Variants in ROR2 observed in about 807,000 individuals in gnomAD.
ROR2 encodes tyrosine-protein kinase transmembrane receptor ROR2.
In ROR2, 33 loss-of-function variants were observed where a neutral mutation model predicts 74.9. That is an observed-to-expected ratio of 0.44 (90% CI 0.33 to 0.59). The LOEUF is 0.59. Ranked by LOEUF, ROR2 falls within the 20% of genes least tolerant of loss-of-function variation. ROR2 has a pLI of 0.02. For missense variants in ROR2, 1,216 were observed against 1,313.8 expected (o/e 0.93, Z 1.15); for synonymous variants, 586 against 558.7 (o/e 1.05, Z -0.69).
chr9:91,747,407 C>T (rs1007207122), intron 4 of ROR2, among the ~76,000 whole-genome samples: 2 of 152,248 alleles, frequency 1.3e-5, no homozygotes, highest in Middle Eastern at 3.2e-3. Flanking sequence ...CAAGGAAGAG[C>T]CACGAGTGGA....
chr9:91,723,637 C>A lies in ROR2; in HGVS notation c.*25G>T. 6.2e-7 allele frequency: 1 copy of A among 1,611,228 alleles called. No individual in the cohort carries two copies. Among genetic ancestry groups the A allele is most frequent in the Non-Finnish European group, 8.5e-7 (1 of 1,179,178 alleles). ...GTGGGGTCTCGGCGGGGCTTCTATC[C>A]CCGAACCCCGGGCCCTGGTGCCACT... On this transcript the variant is annotated 3_prime_UTR_variant, in exon 9 of 9. Transcript: ENST00000375708.
rs140901390 is a variant in ROR2 at position 91,929,692 on chromosome 9, G to A, written c.97+20175C>T. 9.6e-3 allele frequency among the ~76,000 whole-genome samples: 1,454 copies of A among 152,192 alleles called. 20 individuals carry two copies. Among genetic ancestry groups the A allele is most frequent in the African/African-American group, 0.033 (1,355 of 41,540 alleles). Reference sequence around the variant, plus strand: ...GCAAAGTTGCTTCACACTGCTCCAAGTCCAAGAAAACCCAAAGGAGCCTCA... The same window carrying A: ...GCAAAGTTGCTTCACACTGCTCCAAATCCAAGAAAACCCAAAGGAGCCTCA... On this transcript the variant is annotated intron_variant, in intron 1 of 8. Coordinates refer to ENST00000375708, the MANE Select transcript of ROR2 (RefSeq NM_004560.4).
intron 1 of ROR2, among the ~76,000 whole-genome samples, chr9:91,913,423 T>G (rs1197037417): frequency 1.3e-5 from 2 of 152,208 alleles, no homozygotes; most frequent in Non-Finnish European, 2.9e-5. Flanking sequence ...AGATTCTTGC[T>G]TTGCTAATAA....
At chr9:91,777,664 A>C (rs1310848048) in intron 1 of ROR2, among the ~76,000 whole-genome samples, 1 of 151,930 alleles carries the variant, frequency 6.6e-6, no homozygotes, top group Non-Finnish European at 1.5e-5. Context: ...ATCTCCCCAA[A>C]AAACCTCATT....
intron 1 of ROR2, among the ~76,000 whole-genome samples, chr9:91,848,881 A>G (rs1038772208): frequency 2.6e-5 from 4 of 152,174 alleles, no homozygotes; most frequent in African/African-American, 9.7e-5. Context: ...GTAGCATACA[A>G]AGGGGAGATA....
chr9:91,773,608 T>C (rs1826315433), intron 2 of ROR2, among the ~76,000 whole-genome samples: 2 of 152,236 alleles, frequency 1.3e-5, no homozygotes, highest in Non-Finnish European at 2.9e-5. Context: ...CGTAATTTTA[T>C]TTATTCTAAC....
intron 1 of ROR2, among the ~76,000 whole-genome samples, chr9:91,848,410 G>A (rs1361530342): frequency 3.9e-5 from 6 of 152,180 alleles, no homozygotes; most frequent in African/African-American, 1.2e-4. Context: ...ATATATGGGG[G>A]CTCTGCTCAG....
intron 1 of ROR2, among the ~76,000 whole-genome samples, chr9:91,787,023 G>A (rs1257520923): frequency 6.6e-6 from 1 of 152,160 alleles, no homozygotes; most frequent in Non-Finnish European, 1.5e-5. Flanking sequence ...TGTGCAATCC[G>A]GAAATGAAAG....
chr9:91,944,249 A>G (rs1473779027), intron 1 of ROR2, among the ~76,000 whole-genome samples: 2 of 152,160 alleles, frequency 1.3e-5, no homozygotes, highest in African/African-American at 2.4e-5. Context: ...TGTGTATCTA[A>G]CCATATAAAA....
At chr9:91,894,525 G>A (rs951262507) in intron 1 of ROR2, among the ~76,000 whole-genome samples, 4 of 152,192 alleles carry the variant, frequency 2.6e-5, no homozygotes, top group African/African-American at 4.8e-5. Flanking sequence ...AGGCACATTC[G>A]AGGTATAAGA....
chr9:91,896,288 C>CT (rs1830536969), intron 1 of ROR2, among the ~76,000 whole-genome samples: 1 of 152,226 alleles, frequency 6.6e-6, no homozygotes, highest in Non-Finnish European at 1.5e-5. Context: ...AGCCCTGACT[C>CT]TGTCTTGGCT....
At position 91,724,137 on chromosome 9, in the gene ROR2, T is replaced by C. The variant is rs775209555; in HGVS notation, c.2357A>G (p.Tyr786Cys). The change falls in exon 9 of 9, where the codon TAC becomes TGC. Residue 786 changes from tyrosine to cysteine, a missense_variant. Transcript: ENST00000375708. The part of the protein sequence containing the change: ...SPVSNVSNAR[Y>C]VGPKQKAPPF... ...CGGGGCCTTCTGCTTGGGCCCCACG[T>C]AGCGGGCGTTGCTCACATTGCTCAC... 1.9e-6 allele frequency: 3 copies of C among 1,611,120 alleles called. No individual in the cohort carries two copies. Among genetic ancestry groups the C allele is most frequent in the African/African-American group, 1.3e-5 (1 of 74,932 alleles).
In ROR2 at chr9:91,871,548, C is replaced by T. The variant is rs78254105; in HGVS notation, c.97+78319G>A. ...TTTCCAAAGAAGGCTACAACAATAT[C>T]TTCCATCTCACATGCTCTCCATATG... On this transcript the variant is annotated intron_variant, in intron 1 of 8. Coordinates refer to ENST00000375708, the MANE Select transcript of ROR2 (RefSeq NM_004560.4). Among the ~76,000 whole-genome samples, 435 of 152,304 alleles carry T rather than the reference C, an allele frequency of 2.9e-3. 2 individuals are homozygous for T. The highest frequency in any genetic ancestry group is 3.0e-3 in the Non-Finnish European group (206 of 68,022).
Position 91,947,076 on chromosome 9 carries a change from TA to T in ROR2, c.97+2790del, listed in dbSNP as rs369954238. On this transcript the variant is annotated intron_variant, in intron 1 of 8. Transcript: ENST00000375708. Reference sequence around the variant, plus strand: ...TTACAGCAGCACTTTGAATAAACAATAAAAAAAAGGTTTCACAATAAAAATA... The same window carrying T: ...TTACAGCAGCACTTTGAATAAACAATAAAAAAAGGTTTCACAATAAAAATA... Among the ~76,000 whole-genome samples the T allele has an allele frequency of 4.2e-3, 632 of 151,558 alleles. 5 individuals carry two copies. Among genetic ancestry groups the T allele is most frequent in the African/African-American group, 0.015 (603 of 41,342 alleles).
At chr9:91,817,234 G>A (rs1225846749) in intron 1 of ROR2, among the ~76,000 whole-genome samples, 2 of 152,192 alleles carry the variant, frequency 1.3e-5, no homozygotes, top group African/African-American at 2.4e-5. Flanking sequence ...AAGGAAGGCC[G>A]GGACCCAGCA....
intron 1 of ROR2, among the ~76,000 whole-genome samples, chr9:91,908,144 G>A (rs144486118): frequency 1.3e-5 from 2 of 152,224 alleles, no homozygotes; most frequent in Non-Finnish European, 2.9e-5. Flanking sequence ...TCAATGGGGG[G>A]AGGGAGGAGT....
intron 1 of ROR2, among the ~76,000 whole-genome samples, chr9:91,832,002 C>T (rs941022507): frequency 1.3e-5 from 2 of 152,054 alleles, no homozygotes; most frequent in African/African-American, 4.8e-5. Flanking sequence ...TCAGGCTGGG[C>T]CACACATGTT....
intron 1 of ROR2, among the ~76,000 whole-genome samples, chr9:91,832,598 T>C (rs763784889): frequency 2.6e-5 from 4 of 152,042 alleles, no homozygotes; most frequent in Admixed American, 6.6e-5. Context: ...GCAGCGGCTT[T>C]TCTGAGAAAG....
chr9:91,732,946 C>T (rs545377157), intron 6 of ROR2, among the ~76,000 whole-genome samples, 176 bp downstream of exon 6: 11 of 152,356 alleles, frequency 7.2e-5, no homozygotes, highest in African/African-American at 1.2e-4. Context: ...TCCGAGGCCC[C>T]GCCTGCTGCC....
Sources: gnomAD v4.1 joint callset for allele counts (sites outside exome capture counted in the v4.1 genomes callset) on GRCh38, gnomAD v4.1.1 for gene constraint, MANE v1.5 for transcripts, NCBI Gene and HGNC (gene_info 2026-07-23, HGNC 2026-07-21) for gene names.